PARD3B: variants seen among roughly 807,000 people sequenced by gnomAD.
PARD3B encodes the protein par-3 family cell polarity regulator beta, also known as partitioning defective 3 homolog B.
PARD3B carries 103 observed loss-of-function variants against 130.2 expected under a neutral mutation model. The ratio of observed to expected loss-of-function variants is 0.79; its 90% CI spans 0.67 to 0.93. The LOEUF is 0.93. Ranked by LOEUF, PARD3B falls within the 40% of genes least tolerant of loss-of-function variation. The probability of loss-of-function intolerance (pLI) is 0.00; values close to 1 mark genes in which losing one functional copy is unlikely to be tolerated. For synonymous variants in PARD3B, 583 were observed against 553.2 expected (o/e 1.05, Z -0.76); for missense variants, 1,609 against 1,499.2 (o/e 1.07, Z -1.21).
chr2:205,254,866 A>G lies in PARD3B; in HGVS notation c.2185+9044A>G, dbSNP rs1035661016. Among the ~76,000 whole-genome samples, 5 of 151,382 alleles carry G rather than the reference A, an allele frequency of 3.3e-5. No individual in the cohort carries two copies. In the South Asian group the frequency reaches 8.4e-4, roughly 25 times the overall value. ...TTTTTAGTAGAGACGGGGTTTCACC[A>G]TGTTGGTCAGGATGGTCTCGATCTC... On this transcript the variant is annotated intron_variant, in intron 16 of 22. Transcript: ENST00000406610.
chr2:204,561,313 T>C (rs2031293172), intron 1 of PARD3B, among the ~76,000 whole-genome samples: 1 of 152,188 alleles, frequency 6.6e-6, no homozygotes, highest in South Asian at 2.1e-4. Context: ...AAGTATAAAT[T>C]GATATGGGTG....
rs112445512 is a variant in PARD3B at position 205,449,387 on chromosome 2, G to A, written c.3044+8715G>A. ...TGGGATTACAGGTGCCCGCCACCAC[G>A]CCCAGCTAATTTTTTGTATTTTTAG... On this transcript the variant is annotated intron_variant, in intron 20 of 22. Coordinates refer to ENST00000406610, the MANE Select transcript of PARD3B (RefSeq NM_001302769.2). Among the ~76,000 whole-genome samples the A allele has an allele frequency of 4.1e-3, 614 of 151,510 alleles. 5 individuals are homozygous for A. Among genetic ancestry groups the A allele is most frequent in the African/African-American group, 0.014 (583 of 41,356 alleles).
Position 204,570,464 on chromosome 2 carries a change from A to T in PARD3B, c.120+24345A>T, listed in dbSNP as rs527989003. Among the ~76,000 whole-genome samples the T allele has an allele frequency of 2.5e-4, 38 of 152,328 alleles. 1 individual carries two copies. In the South Asian group the frequency reaches 7.9e-3, roughly 32 times the overall value. On this transcript the variant is annotated intron_variant, in intron 1 of 22. Transcript: ENST00000406610. The stretch of plus-strand genomic sequence containing the variant: ...TTGCTCTTCTGACATGATTCTGTCC[A>T]TCTAGCTGGAATAGGGGGCTCAATT...
chr2:204,930,179 C>T (rs1360445491), intron 2 of PARD3B, among the ~76,000 whole-genome samples: 1 of 151,736 alleles, frequency 6.6e-6, no homozygotes, highest in East Asian at 1.9e-4. Flanking sequence ...TCTTAAAAAA[C>T]CCTGTGTTCA....
intron 3 of PARD3B, among the ~76,000 whole-genome samples, chr2:205,018,370 A>G (rs1182680994): frequency 6.6e-6 from 1 of 152,134 alleles, no homozygotes; most frequent in Admixed American, 6.6e-5. Context: ...AAATGTGATC[A>G]TGAAATCTGG....
At chr2:205,353,367 C>T (rs548232613) in intron 18 of PARD3B, among the ~76,000 whole-genome samples, 32 of 152,108 alleles carry the variant, frequency 2.1e-4, no homozygotes, top group Non-Finnish European at 4.0e-4. Context: ...CACAGAATAT[C>T]AAAATATGCT....
chr2:204,892,503 T>C lies in PARD3B; in HGVS notation c.223-72649T>C, dbSNP rs931314564. On this transcript the variant is annotated intron_variant, in intron 2 of 22. Coordinates refer to ENST00000406610, the MANE Select transcript of PARD3B (RefSeq NM_001302769.2). The stretch of plus-strand genomic sequence containing the variant: ...TACTTGTGATGTGGCTACCTTGAAT[T>C]GAGATGTGCTATATGTAAAACACAC... Among the ~76,000 whole-genome samples, 4 of 152,324 alleles carry C rather than the reference T, an allele frequency of 2.6e-5. No homozygotes were observed. In the South Asian group the frequency reaches 6.2e-4, roughly 24 times the overall value.
intron 6 of PARD3B, 32 bp downstream of exon 6, chr2:205,113,609 G>T (rs1374748672): frequency 2.6e-6 from 4 of 1,522,106 alleles, no homozygotes; most frequent in Non-Finnish European, 3.6e-6. Flanking sequence ...AGAAGCTCAT[G>T]CTAATGAAAA....
chr2:204,950,665 A>G (rs1689694410), intron 2 of PARD3B, among the ~76,000 whole-genome samples: 1 of 152,188 alleles, frequency 6.6e-6, no homozygotes, highest in Non-Finnish European at 1.5e-5. Flanking sequence ...TTTCGTATTT[A>G]AATGAAACAA....
intron 20 of PARD3B, among the ~76,000 whole-genome samples, chr2:205,498,418 C>G (rs966244975): frequency 1.3e-5 from 2 of 151,834 alleles, no homozygotes; most frequent in East Asian, 3.9e-4. Context: ...AGGAGAATTG[C>G]TTGAACCTAG....
In PARD3B at chr2:204,710,230, G is replaced by T. The variant is rs1199412604; in HGVS notation, c.222+23948G>T. Among the ~76,000 whole-genome samples the T allele has an allele frequency of 2.6e-5, 4 of 152,236 alleles. No individual in the cohort carries two copies. In the East Asian group the frequency reaches 5.8e-4, roughly 22 times the overall value. On this transcript the variant is annotated intron_variant, in intron 2 of 22. Coordinates refer to ENST00000406610, the MANE Select transcript of PARD3B (RefSeq NM_001302769.2). ...CCTGCTGGAAAGACATTTAATTCAA[G>T]CTCTTGCAGGTCAAGCCTTAGGATA... is the stretch of plus-strand genomic sequence containing the variant.
intron 3 of PARD3B, among the ~76,000 whole-genome samples, chr2:205,028,402 T>C (rs1487594365): frequency 6.6e-6 from 1 of 152,212 alleles, no homozygotes; most frequent in East Asian, 1.9e-4. Context: ...TTCAACATTC[T>C]TTCATGATAA....
intron 4 of PARD3B, among the ~76,000 whole-genome samples, chr2:205,074,927 C>T (rs1456572758): frequency 2.6e-5 from 4 of 152,132 alleles, no homozygotes; most frequent in East Asian, 1.9e-4. Flanking sequence ...GTTTAAATTG[C>T]ATTGTTGGTG....
At chr2:204,901,515 G>A (rs13002966) in intron 2 of PARD3B, among the ~76,000 whole-genome samples, 29,433 of 151,522 alleles carry the variant, frequency 0.19, 3,455 homozygotes, top group Non-Finnish European at 0.26. Flanking sequence ...GTATGGAGCC[G>A]GTCCAGAAAT....
intron 5 of PARD3B, among the ~76,000 whole-genome samples, chr2:205,112,979 T>A (rs948226705): frequency 6.6e-6 from 1 of 152,220 alleles, no homozygotes; most frequent in Non-Finnish European, 1.5e-5. Flanking sequence ...CATGCCCATA[T>A]GTATTACCAA....
chr2:205,517,486 TAGCTACC>T (rs2050840567), intron 21 of PARD3B, among the ~76,000 whole-genome samples: 1 of 152,164 alleles, frequency 6.6e-6, no homozygotes, highest in Non-Finnish European at 1.5e-5. Context: ...TTTATTAGTC[TAGCTACC>T]AGCCTATCTA....
At position 205,280,657 on chromosome 2, in the gene PARD3B, T is replaced by G. The variant is rs1008137461; in HGVS notation, c.2186-19873T>G. Among the ~76,000 whole-genome samples the G allele has an allele frequency of 6.6e-6, 1 of 152,236 alleles. No homozygotes were observed. Among genetic ancestry groups the G allele is most frequent in the African/African-American group, 2.4e-5 (1 of 41,456 alleles). ...TATTTGTACATTTATAGTAAAGTAA[T>G]CTACAAGTGGTTCCTTGATAAAGTT... On this transcript the variant is annotated intron_variant, in intron 16 of 22. Transcript: ENST00000406610. The surrounding 1 kb of genome is among the most constrained non-coding windows in gnomAD (Gnocchi z 4.7).
At chr2:205,075,577 T>C (rs905611587) in intron 4 of PARD3B, among the ~76,000 whole-genome samples, 3 of 151,432 alleles carry the variant, frequency 2.0e-5, no homozygotes, top group African/African-American at 7.3e-5. Flanking sequence ...TTACCTCTTT[T>C]TTAGGTTGCA....
intron 1 of PARD3B, among the ~76,000 whole-genome samples, chr2:204,653,376 A>T (rs1427248517): frequency 6.6e-6 from 1 of 151,188 alleles, no homozygotes; most frequent in Non-Finnish European, 1.5e-5. Flanking sequence ...GTAACTTTTC[A>T]CTTGTAAATA....
Sources: gnomAD v4.1 joint callset for allele counts (sites outside exome capture counted in the v4.1 genomes callset) on GRCh38, gnomAD v4.1.1 for gene constraint, Gnocchi (gnomAD v3.1) non-coding constraint, MANE v1.5 for transcripts, NCBI Gene and HGNC (gene_info 2026-07-23, HGNC 2026-07-21) for gene names.